GLYATL2: variants seen among roughly 807,000 people sequenced by gnomAD.
GLYATL2 encodes the protein glycine N-acyltransferase-like protein 2.
In GLYATL2, 25 loss-of-function variants were observed where a neutral mutation model predicts 21.4. That is an observed-to-expected ratio of 1.17 (90% CI 0.85 to 1.63). The LOEUF (loss-of-function observed/expected upper bound fraction) is 1.63, where lower values mean the gene tolerates loss of function less well. Among genes scored for constraint, GLYATL2 ranks in the 40% most tolerant of loss-of-function variants. The probability of loss-of-function intolerance (pLI) is 0.00; values close to 1 mark genes in which losing one functional copy is unlikely to be tolerated. For synonymous variants in GLYATL2, 114 were observed against 118.2 expected (o/e 0.96, Z 0.23); for missense variants, 361 against 343.3 (o/e 1.05, Z -0.41).
chr11:58,877,092 GC>G (rs1854248533), intron 1 of GLYATL2, among the ~76,000 whole-genome samples: 1 of 152,242 alleles, frequency 6.6e-6, no homozygotes, highest in South Asian at 2.1e-4. Flanking sequence ...TGTGCCTTGT[GC>G]AGGATATAAT....
At chr11:58,883,830 C>G (rs538171369) in intron 1 of GLYATL2, among the ~76,000 whole-genome samples, 4 of 152,278 alleles carry the variant, frequency 2.6e-5, no homozygotes, top group Admixed American at 1.3e-4. Context: ...AAAATACCAG[C>G]AAACCGAATC....
upstream of GLYATL2, among the ~76,000 whole-genome samples, chr11:58,846,711 A>G (rs1189754252): frequency 2.0e-5 from 3 of 152,182 alleles, no homozygotes; most frequent in African/African-American, 7.2e-5. Flanking sequence ...CTCACCACAG[A>G]GGGCCTAAAG....
At chr11:58,859,404 GA>G (rs1021142647) in intron 1 of GLYATL2, among the ~76,000 whole-genome samples, 49 of 150,170 alleles carry the variant, frequency 3.3e-4, no homozygotes, top group Admixed American at 6.6e-4. Flanking sequence ...CTAGCAAAAA[GA>G]AAAAAAAACT....
At chr11:58,863,723 G>A (rs1242912889) in intron 1 of GLYATL2, among the ~76,000 whole-genome samples, 4 of 152,000 alleles carry the variant, frequency 2.6e-5, no homozygotes, top group African/African-American at 7.3e-5. Flanking sequence ...TAGAACCTAG[G>A]TCTTCAGGGC....
intron 1 of GLYATL2, among the ~76,000 whole-genome samples, chr11:58,889,327 T>C (rs1854499619): frequency 6.6e-6 from 1 of 151,986 alleles, no homozygotes; most frequent in Non-Finnish European, 1.5e-5. Flanking sequence ...CACGTAATAC[T>C]GTACTCTGCA....
chr11:58,894,502 AT>A (rs1234534089), intron 1 of GLYATL2, among the ~76,000 whole-genome samples: 1 of 140,754 alleles, frequency 7.1e-6, no homozygotes, highest in Non-Finnish European at 1.6e-5. Context: ...AAGCATTTTC[AT>A]TCTTTCTGAT....
chr11:58,860,411 T>A (rs12808865), intron 1 of GLYATL2, among the ~76,000 whole-genome samples: 4 of 152,154 alleles, frequency 2.6e-5, no homozygotes, highest in Admixed American at 2.6e-4. Flanking sequence ...TCTTTCACTG[T>A]TAGTGTATAG....
At chr11:58,852,039 A>G (rs1459020809) in intron 1 of GLYATL2, among the ~76,000 whole-genome samples, 4 of 151,802 alleles carry the variant, frequency 2.6e-5, no homozygotes, top group African/African-American at 7.3e-5. Context: ...CAATAATTTT[A>G]ATTCTTTGAA....
At chr11:58,857,912 A>C (rs1251595043) in intron 1 of GLYATL2, among the ~76,000 whole-genome samples, 1 of 143,914 alleles carries the variant, frequency 6.9e-6, no homozygotes, top group African/African-American at 2.5e-5. Flanking sequence ...AAAAAAAAAA[A>C]ACAAGCAAAA....
intron 1 of GLYATL2, among the ~76,000 whole-genome samples, chr11:58,888,719 A>AG (rs1477496955): frequency 1.3e-5 from 2 of 151,866 alleles, no homozygotes; most frequent in Non-Finnish European, 2.9e-5. Flanking sequence ...CCCTTCACCA[A>AG]GGGGAGAGTT....
chr11:58,834,812 A>T lies in GLYATL2; in HGVS notation c.502T>A (p.Leu168Ile), dbSNP rs17851433. 6.3e-7 allele frequency: 1 copy of T among 1,596,420 alleles called. No individual in the cohort carries two copies. Among genetic ancestry groups the T allele is most frequent in the Non-Finnish European group, 8.5e-7 (1 of 1,172,826 alleles). ...NKEGNFSNMF[L>I]DASHAGLVNE... ...ACAAGACCTGCATGTGAAGCATCTAAGAACATGTTTGAAAAGTTTCCTTCC... is the reference window on the plus strand; with the variant it reads ...ACAAGACCTGCATGTGAAGCATCTATGAACATGTTTGAAAAGTTTCCTTCC... Residue 168 changes from leucine (L) to isoleucine (I), a missense_variant, in exon 6 of 6, where the codon TTA (leucine) becomes ATA (isoleucine). Transcript: ENST00000287275.
At chr11:58,843,057 C>A (rs1260213347) in intron 1 of GLYATL2, among the ~76,000 whole-genome samples, 2 of 152,000 alleles carry the variant, frequency 1.3e-5, no homozygotes, top group African/African-American at 4.8e-5. Context: ...TACTAATTAG[C>A]TTATGGTAAA....
chr11:58,890,767 A>C (rs1467944884), intron 1 of GLYATL2, among the ~76,000 whole-genome samples: 1 of 151,522 alleles, frequency 6.6e-6, no homozygotes, highest in Non-Finnish European at 1.5e-5. Context: ...CTCATCTCTC[A>C]TACTCTGTGC....
At chr11:58,897,646 G>C (rs996391411) in intron 1 of GLYATL2, among the ~76,000 whole-genome samples, 7 of 151,956 alleles carry the variant, frequency 4.6e-5, no homozygotes, top group African/African-American at 1.7e-4. Flanking sequence ...TCTAAATCTT[G>C]ATCTCCCTGT....
At chr11:58,882,885 T>G (rs544287106) in intron 1 of GLYATL2, among the ~76,000 whole-genome samples, 1 of 152,218 alleles carries the variant, frequency 6.6e-6, no homozygotes, top group African/African-American at 2.4e-5. Context: ...TGTGTGGTAT[T>G]ATTTCTGAAG....
chr11:58,905,457 C>T (rs1180413817), upstream of GLYATL2: 21 of 456,110 alleles, frequency 4.6e-5, no homozygotes, highest in Non-Finnish European at 7.9e-5. Context: ...GGCCACACAC[C>T]GAAGCACCTT....
chr11:58,856,501 C>T lies in GLYATL2; in HGVS notation n.61-18133G>A, dbSNP rs138226134. On this transcript the variant is annotated intron_variant and non_coding_transcript_variant, in intron 1 of 4. Coordinates refer to the GLYATL2 transcript ENST00000533636. ...TTGGACTGTCTTGGATTTTGACCTGCCTTCCTCCCTATGCTTAATCATTTT... is the reference window on the plus strand; with the variant it reads ...TTGGACTGTCTTGGATTTTGACCTGTCTTCCTCCCTATGCTTAATCATTTT... Among the ~76,000 whole-genome samples the T allele has an allele frequency of 1.7e-3, 255 of 152,284 alleles. 1 individual carries two copies. Among genetic ancestry groups the T allele is most frequent in the African/African-American group, 5.7e-3 (237 of 41,558 alleles).
intron 1 of GLYATL2, among the ~76,000 whole-genome samples, chr11:58,866,545 A>G (rs1184387258): frequency 6.7e-6 from 1 of 148,878 alleles, no homozygotes; most frequent in African/African-American, 2.4e-5. Flanking sequence ...CTTCATTAGG[A>G]ATTCTGAGAT....
chr11:58,895,869 T>G (rs1310449761), intron 1 of GLYATL2, among the ~76,000 whole-genome samples: 1 of 151,980 alleles, frequency 6.6e-6, no homozygotes, highest in East Asian at 1.9e-4. Context: ...CTTTTTTTTT[T>G]TTTTGAAGGA....
Sources: gnomAD v4.1 joint callset for allele counts (sites outside exome capture counted in the v4.1 genomes callset) on GRCh38, gnomAD v4.1.1 for gene constraint, MANE v1.5 for transcripts, NCBI Gene and HGNC (gene_info 2026-07-23, HGNC 2026-07-21) for gene names.